Variants in CDH12 observed in about 807,000 individuals in gnomAD.
CDH12 encodes cadherin-12.
A neutral mutation model predicts 74.1 loss-of-function variants in CDH12; 41 were observed. That is an observed-to-expected ratio of 0.55 (90% CI 0.43 to 0.72). CDH12 has a LOEUF of 0.72. Among genes scored for constraint, CDH12 ranks in the 30% least tolerant of loss-of-function variants. The probability of loss-of-function intolerance (pLI) is 0.00; values close to 1 mark genes in which losing one functional copy is unlikely to be tolerated. For missense variants in CDH12, 945 were observed against 977.2 expected (o/e 0.97, Z 0.44); for synonymous variants, 399 against 355.0 (o/e 1.12, Z -1.39).
At chr5:21,794,704 AT>A (rs1240263252) in intron 10 of CDH12, among the ~76,000 whole-genome samples, 1 of 151,666 alleles carries the variant, frequency 6.6e-6, no homozygotes, top group African/African-American at 2.4e-5. Flanking sequence ...TTTATAATAT[AT>A]TTTTTAGAGG....
At chr5:22,038,024 G>A (rs1386293289) in intron 5 of CDH12, among the ~76,000 whole-genome samples, 1 of 152,156 alleles carries the variant, frequency 6.6e-6, no homozygotes, top group East Asian at 1.9e-4. Flanking sequence ...AAGCCCTCAT[G>A]GGCAGTAAGC....
intron 3 of CDH12, among the ~76,000 whole-genome samples, chr5:22,238,715 GA>G (rs1187569309): frequency 4.6e-5 from 7 of 152,162 alleles, no homozygotes; most frequent in Non-Finnish European, 8.8e-5. Context: ...AGTTCTCCAG[GA>G]GGAATGCATG....
chr5:22,761,232 C>G (rs780310830), intron 1 of CDH12, among the ~76,000 whole-genome samples: 13 of 152,168 alleles, frequency 8.5e-5, no homozygotes, highest in Admixed American at 4.6e-4. Context: ...TTCATGAAGA[C>G]TGAAGAAGTA....
intron 6 of CDH12, among the ~76,000 whole-genome samples, chr5:21,879,125 T>C (rs1266054715): frequency 6.6e-6 from 1 of 152,198 alleles, no homozygotes; most frequent in Non-Finnish European, 1.5e-5. Context: ...GTGGCTGGTA[T>C]GATTTGCATT....
chr5:22,766,983 G>A (rs1746546547), intron 1 of CDH12, among the ~76,000 whole-genome samples: 1 of 152,014 alleles, frequency 6.6e-6, no homozygotes, highest in African/African-American at 2.4e-5. Context: ...ATGGCAGGTG[G>A]TAGGTACACA....
At chr5:22,519,942 G>A (rs1458776374) in intron 1 of CDH12, among the ~76,000 whole-genome samples, 2 of 152,142 alleles carry the variant, frequency 1.3e-5, no homozygotes, top group South Asian at 2.1e-4. Context: ...TAGCATATTC[G>A]TTCTTATAAA....
chr5:22,395,118 A>T (rs769296655), intron 3 of CDH12, among the ~76,000 whole-genome samples: 1 of 152,182 alleles, frequency 6.6e-6, no homozygotes, highest in Non-Finnish European at 1.5e-5. Flanking sequence ...TCAGATGAAG[A>T]TACTAGCCTG....
At chr5:21,790,651 A>G (rs1746440231) in intron 10 of CDH12, among the ~76,000 whole-genome samples, 1 of 152,114 alleles carries the variant, frequency 6.6e-6, no homozygotes, top group African/African-American at 2.4e-5. Flanking sequence ...GAGTGTTGTT[A>G]TAAAAATGAA....
intron 2 of CDH12, among the ~76,000 whole-genome samples, chr5:22,443,957 G>A (rs556163772): frequency 3.3e-5 from 5 of 152,086 alleles, no homozygotes; most frequent in South Asian, 2.1e-4. Context: ...ATTTTGACGC[G>A]TACAAGGAAG....
intron 1 of CDH12, among the ~76,000 whole-genome samples, chr5:22,708,318 C>T (rs1743122937): frequency 6.6e-6 from 1 of 152,164 alleles, no homozygotes; most frequent in South Asian, 2.1e-4. Context: ...TCAACACAAA[C>T]ATATGTACAA....
At chr5:22,735,632 T>C (rs1333164683) in intron 1 of CDH12, among the ~76,000 whole-genome samples, 1 of 151,956 alleles carries the variant, frequency 6.6e-6, no homozygotes. Context: ...ACAACTTATT[T>C]TTACACATTA....
intron 2 of CDH12, among the ~76,000 whole-genome samples, chr5:22,501,874 C>T (rs1199604044): frequency 6.6e-6 from 1 of 152,060 alleles, no homozygotes; most frequent in Non-Finnish European, 1.5e-5. Flanking sequence ...CTGTTCCCTC[C>T]ATGTTTCCAT....
chr5:22,563,131 C>T (rs926440760), intron 1 of CDH12, among the ~76,000 whole-genome samples: 5 of 149,928 alleles, frequency 3.3e-5, no homozygotes, highest in Non-Finnish European at 7.4e-5. Context: ...AACCTAAGCT[C>T]AAATAAATCT....
chr5:22,847,704 T>C (rs780351200), intron 1 of CDH12, among the ~76,000 whole-genome samples: 1 of 152,176 alleles, frequency 6.6e-6, no homozygotes, highest in African/African-American at 2.4e-5. Flanking sequence ...GATAAAATTA[T>C]ATGATTTTTA....
At chr5:22,310,147 A>G (rs139793854) in intron 3 of CDH12, among the ~76,000 whole-genome samples, 1 of 151,956 alleles carries the variant, frequency 6.6e-6, no homozygotes, top group African/African-American at 2.4e-5. Context: ...CTTAAAGTAT[A>G]ATAAAAAACA....
intron 1 of CDH12, among the ~76,000 whole-genome samples, chr5:22,664,439 G>C (rs1028077658): frequency 2.4e-4 from 37 of 152,080 alleles, no homozygotes; most frequent in African/African-American, 8.9e-4. Context: ...TAAACTATCA[G>C]ATCTTGCGAG....
chr5:22,793,906 T>G (rs955571168), intron 1 of CDH12, among the ~76,000 whole-genome samples: 21 of 152,208 alleles, frequency 1.4e-4, no homozygotes, highest in Admixed American at 1.0e-3. Flanking sequence ...CTCATTACTA[T>G]TATTGCATTG....
chr5:22,661,500 T>C (rs568221306), intron 1 of CDH12, among the ~76,000 whole-genome samples: 18 of 152,308 alleles, frequency 1.2e-4, no homozygotes, highest in African/African-American at 4.1e-4. Flanking sequence ...TTGTAAATTA[T>C]TGACCTTAAA....
rs147005132 is a variant in CDH12 at position 22,140,186 on chromosome 5, G to A, written c.-186-61324C>T. The stretch of plus-strand genomic sequence containing the variant: ...ACAATAGCTCATCATAATTTTTGCC[G>A]AGTGCTATTGTCACATATTACCTTT... On this transcript the variant is annotated intron_variant, in intron 4 of 14. Transcript: ENST00000382254. 3.5e-3 allele frequency among the ~76,000 whole-genome samples: 539 copies of A among 152,104 alleles called. 2 individuals carry two copies. The highest frequency in any genetic ancestry group is 0.012 in the African/African-American group (514 of 41,484).
Sources: allele counts gnomAD v4.1 joint callset (sites outside exome capture counted in the v4.1 genomes callset), GRCh38; gene constraint gnomAD v4.1.1; transcripts MANE v1.5; gene names NCBI Gene and HGNC (gene_info 2026-07-23, HGNC 2026-07-21).